The following KMT2E variants were observed in gnomAD, a reference collection of about 807,000 sequenced individuals.
KMT2E encodes the protein lysine methyltransferase 2E (inactive).
In KMT2E, 30 loss-of-function variants were observed where a neutral mutation model predicts 184.6. That is an observed-to-expected ratio of 0.16 (90% CI 0.12 to 0.22). The LOEUF is 0.22. KMT2E is among the 10% of genes least tolerant of loss of function. The pLI, the probability that KMT2E is intolerant of heterozygous loss-of-function variation, is 1.00. For synonymous variants in KMT2E, 815 were observed against 776.5 expected (o/e 1.05, Z -0.82); for missense variants, 2,023 against 2,237.4 (o/e 0.90, Z 1.93).
chr7:105,111,124 C>T, intron 26 of KMT2E: 1 of 432,442 alleles, frequency 2.3e-6, no homozygotes, highest in Non-Finnish European at 4.1e-6. Context: ...AAATGTTCCA[C>T]CTCTATTCTA....
In KMT2E at chr7:105,108,936, C is replaced by T. The variant is rs773066938; in HGVS notation, c.3469-6C>T. On this transcript the variant is annotated splice_region_variant and splice_polypyrimidine_tract_variant and intron_variant, in intron 22 of 26. Coordinates refer to ENST00000311117, the MANE Select transcript of KMT2E (RefSeq NM_182931.3). ...GATTTGCTTTTTCTCATCTTTCTTG[C>T]TTAAGGTTTCTCTATTAGAATACCG... 12 of 1,588,526 alleles carry T rather than the reference C, an allele frequency of 7.6e-6. No individual in the cohort carries two copies. The East Asian group carries it at 2.7e-4, about 36-fold the overall frequency.
chr7:105,035,446 AG>A (rs1364711702), intron 1 of KMT2E, among the ~76,000 whole-genome samples: 1 of 143,992 alleles, frequency 6.9e-6, no homozygotes, highest in African/African-American at 2.6e-5. Flanking sequence ...TGGGATTACA[AG>A]TGTGAGCCAC....
At chr7:105,080,878 C>T (rs1203573242) in intron 12 of KMT2E, among the ~76,000 whole-genome samples, 1 of 152,116 alleles carries the variant, frequency 6.6e-6, no homozygotes, top group Non-Finnish European at 1.5e-5. Flanking sequence ...TGGCACGCAC[C>T]TGTAGTCCCA....
chr7:105,017,533 G>A (rs374482422), intron 1 of KMT2E, among the ~76,000 whole-genome samples: 1 of 150,068 alleles, frequency 6.7e-6, no homozygotes, highest in African/African-American at 2.5e-5. Flanking sequence ...TAAATCACGA[G>A]GCTATAATTG....
At chr7:105,083,270 TGACA>T (rs1797829793) in intron 13 of KMT2E, among the ~76,000 whole-genome samples, 1 of 152,342 alleles carries the variant, frequency 6.6e-6, no homozygotes, top group Admixed American at 6.5e-5. Context: ...TCCATAGTGT[TGACA>T]TTCTTTTCCA....
At chr7:105,040,681 T>C (rs1795842006) in intron 2 of KMT2E, among the ~76,000 whole-genome samples, 158 bp from the exon 3 acceptor site, 2 of 152,216 alleles carry the variant, frequency 1.3e-5, no homozygotes, top group South Asian at 4.1e-4. Context: ...TTTCTTTTGA[T>C]CATGATCACA....
intron 3 of KMT2E, among the ~76,000 whole-genome samples, chr7:105,058,510 A>G (rs1796663655): frequency 6.6e-6 from 1 of 152,128 alleles, no homozygotes; most frequent in South Asian, 2.1e-4. Context: ...GCTGTTGGGG[A>G]ATTTCTAAAA....
intron 3 of KMT2E, among the ~76,000 whole-genome samples, chr7:105,054,478 A>G (rs79649911): frequency 0.032 from 4,780 of 149,476 alleles, 101 homozygotes; most frequent in African/African-American, 0.052. Flanking sequence ...CTATCTATCT[A>G]TCTATCTATC....
At chr7:105,083,015 G>C (rs1797818566) in intron 13 of KMT2E, among the ~76,000 whole-genome samples, 2 of 152,100 alleles carry the variant, frequency 1.3e-5, no homozygotes, top group African/African-American at 4.8e-5. Context: ...ATTTCTCTGA[G>C]ATCCATATCT....
chr7:105,113,165 T>C lies in KMT2E; in HGVS notation c.5409T>C (p.Ile1803=). The C allele has an allele frequency of 1.9e-6, 3 of 1,614,200 alleles. No homozygotes were observed. Among genetic ancestry groups the C allele is most frequent in the Non-Finnish European group, 2.5e-6 (3 of 1,180,028 alleles). ...TCCAGCCCCAAGGACCAAACAGTAT[T>C]CCAACACCTACTGCTTCAGGGTTCT... ...PHLQPQGPNS[I]PTPTASGFCP... Residue 1803 remains isoleucine (I), a synonymous_variant, in exon 27 of 27, where the codon ATT becomes ATC. Coordinates refer to ENST00000311117, the MANE Select transcript of KMT2E (RefSeq NM_182931.3).
chr7:105,106,410 T>TA, intron 19 of KMT2E, 112 bp from the exon 20 acceptor site: 1 of 1,028,462 alleles, frequency 9.7e-7, no homozygotes, highest in East Asian at 2.5e-5. Context: ...AGTTTTGGGG[T>TA]AAAAGTCATA....
At chr7:105,084,316 C>G (rs939325286) in intron 13 of KMT2E, among the ~76,000 whole-genome samples, 14 of 152,144 alleles carry the variant, frequency 9.2e-5, no homozygotes, top group African/African-American at 3.1e-4. Flanking sequence ...GTATAGGTCA[C>G]ATAGGTGTTA....
At chr7:105,099,093 A>C (rs1798543776) in intron 15 of KMT2E, among the ~76,000 whole-genome samples, 1 of 152,216 alleles carries the variant, frequency 6.6e-6, no homozygotes, top group Non-Finnish European at 1.5e-5. Flanking sequence ...AAGCTGAATG[A>C]TGTATGACCT....
intron 17 of KMT2E, chr7:105,104,958 C>G (rs1798829650): frequency 6.6e-6 from 1 of 152,280 alleles, no homozygotes; most frequent in Non-Finnish European, 1.5e-5. Flanking sequence ...TGCTTGAGCC[C>G]AGGGGTTGAG....
Position 105,111,899 on chromosome 7 carries a change from C to G in KMT2E, c.4143C>G (p.Asp1381Glu), listed in dbSNP as rs1799308555. 1 of 1,614,162 alleles carries G rather than the reference C, an allele frequency of 6.2e-7. No homozygotes were observed. Residue 1381 changes from aspartate (D) to glutamate (E), a missense_variant, in exon 27 of 27, where the codon GAC becomes GAG. Asp to Glu is a conservative substitution (Grantham distance 45). This residue lies in a region of KMT2E where 1,108 missense variants were observed against 1,050.9 expected (regional missense o/e 1.05). Coordinates refer to ENST00000311117, the MANE Select transcript of KMT2E (RefSeq NM_182931.3). Reference protein sequence around the residue: ...KIFTKPDPQWDSTVSASEAEN... With the variant: ...KIFTKPDPQWESTVSASEAEN... ...TCACAAAACCAGATCCCCAATGGGACTCCACAGTTAGTGCATCCGAAGCTG... is the reference window on the plus strand; with the variant it reads ...TCACAAAACCAGATCCCCAATGGGAGTCCACAGTTAGTGCATCCGAAGCTG...
At chr7:105,041,664 G>T (rs1446263341) in intron 3 of KMT2E, among the ~76,000 whole-genome samples, 2 of 152,208 alleles carry the variant, frequency 1.3e-5, no homozygotes, top group African/African-American at 2.4e-5. Context: ...CTCCCAAAGT[G>T]TTGGGATTAC....
intron 1 of KMT2E, among the ~76,000 whole-genome samples, chr7:105,033,176 C>T (rs1173378162): frequency 6.6e-6 from 1 of 152,180 alleles, no homozygotes; most frequent in Non-Finnish European, 1.5e-5. Context: ...TTGGTTAAAG[C>T]ACAGGAGATT....
chr7:105,081,159 A>T (rs1379574205), intron 12 of KMT2E, among the ~76,000 whole-genome samples: 2 of 152,158 alleles, frequency 1.3e-5, no homozygotes, highest in African/African-American at 4.8e-5. Context: ...AGGCCGGCAC[A>T]TCATGAGGTC....
intron 26 of KMT2E, 75 bp downstream of exon 26, chr7:105,110,943 C>T (rs994904470): frequency 3.1e-6 from 3 of 980,314 alleles, no homozygotes; most frequent in Non-Finnish European, 1.6e-6. Context: ...TTATAATATG[C>T]AGTGTTTTTC....
Sources: gnomAD v4.1 joint callset for allele counts (sites outside exome capture counted in the v4.1 genomes callset) on GRCh38, gnomAD v4.1.1 for gene constraint, gnomAD v4.1.1 regional missense constraint, MANE v1.5 for transcripts, NCBI Gene and HGNC (gene_info 2026-07-23, HGNC 2026-07-21) for gene names.